The following ZFP64 variants were observed in gnomAD, a reference collection of about 807,000 sequenced individuals.
ZFP64 encodes ZFP64 zinc finger protein.
A neutral mutation model predicts 51.6 loss-of-function variants in ZFP64; 14 were observed. The observed-to-expected ratio is 0.27, with a 90% CI of 0.18 to 0.42. The LOEUF is 0.42. Among genes scored for constraint, ZFP64 ranks in the 10% least tolerant of loss-of-function variants. The pLI is 1.00. For missense variants in ZFP64, 754 were observed against 906.8 expected, an observed-to-expected ratio of 0.83 and a Z score of 2.16; for synonymous variants, 375 against 361.4, an observed-to-expected ratio of 1.04 and a Z score of -0.43.
At chr20:52,123,881 G>T (rs372509763) in intron 5 of ZFP64, among the ~76,000 whole-genome samples, 3 of 151,404 alleles carry the variant, frequency 2.0e-5, no homozygotes, top group African/African-American at 7.3e-5. Flanking sequence ...TTTTTTGGGG[G>T]GGGGAGGGGG....
chr20:52,091,036 T>C (rs1287831405), intron 7 of ZFP64, among the ~76,000 whole-genome samples: 3 of 149,994 alleles, frequency 2.0e-5, no homozygotes, highest in African/African-American at 7.4e-5. Flanking sequence ...GCCCAGAAGG[T>C]GAGCTCTGAT....
rs79397204 is a variant in ZFP64 at position 52,129,872 on chromosome 20, T to A, written c.763+30251A>T. Among the ~76,000 whole-genome samples the A allele has an allele frequency of 5.7e-3, 861 of 152,346 alleles. 7 individuals are homozygous for A. The highest frequency in any genetic ancestry group is 0.02 in the African/African-American group (831 of 41,592). ...CCATGGTATGCCCCGGGGCAATTCA[T>A]CTTTGCTGAATGAGTGCAATCGTCA... On this transcript the variant is annotated intron_variant, in intron 5 of 8. Transcript: ENST00000361387.
chr20:52,088,453 C>T, exon 8 of ZFP64: 2 of 1,614,174 alleles, frequency 1.2e-6, no homozygotes, highest in East Asian at 2.2e-5. Flanking sequence ...AGGGGCAGAG[C>T]TGGCATTTGT....
At position 52,099,622 on chromosome 20, in the gene ZFP64, ATTAGAGT is replaced by A. The variant is rs2079029679; in HGVS notation, c.764-1042_764-1036del. On this transcript the variant is annotated intron_variant, in intron 5 of 8. Coordinates refer to the ZFP64 transcript ENST00000361387. ...TTTTATACTTTGGTGTGAAAATGGA[ATTAGAGT>A]TTAAAGAGCATTCCCCATAGTCTAA... 3.3e-5 allele frequency among the ~76,000 whole-genome samples: 5 copies of A among 152,322 alleles called. No individual in the cohort carries two copies. The South Asian group carries it at 1.0e-3, about 32-fold the overall frequency.
chr20:52,186,276 C>A (rs1036958271), intron 2 of ZFP64, among the ~76,000 whole-genome samples: 1 of 152,046 alleles, frequency 6.6e-6, no homozygotes, highest in Admixed American at 6.6e-5. Context: ...TCCTCCAGAA[C>A]TTTTATGGTT....
At chr20:52,109,268 A>G (rs1010792121) in intron 5 of ZFP64, among the ~76,000 whole-genome samples, 5 of 151,942 alleles carry the variant, frequency 3.3e-5, no homozygotes, top group Non-Finnish European at 7.4e-5. Context: ...GGTTCATGCA[A>G]TTCTCCTGCC....
At chr20:52,139,062 G>A (rs1244188968) in intron 5 of ZFP64, among the ~76,000 whole-genome samples, 1 of 152,106 alleles carries the variant, frequency 6.6e-6, no homozygotes, top group African/African-American at 2.4e-5. Flanking sequence ...GAGGAGAAAA[G>A]GAAACATTTG....
chr20:52,151,112 T>G (rs1980769136), downstream of ZFP64, among the ~76,000 whole-genome samples: 1 of 152,198 alleles, frequency 6.6e-6, no homozygotes, highest in African/African-American at 2.4e-5. Context: ...ACTTTATCAC[T>G]TTAGGTACCA....
chr20:52,129,112 C>T (rs1420591807), intron 5 of ZFP64, among the ~76,000 whole-genome samples: 4 of 149,604 alleles, frequency 2.7e-5, no homozygotes, highest in Non-Finnish European at 4.4e-5. Context: ...GATGGAGTCT[C>T]GCTCTGTTGC....
chr20:52,184,084 A>T (rs1456603152), intron 2 of ZFP64, among the ~76,000 whole-genome samples: 1 of 152,094 alleles, frequency 6.6e-6, no homozygotes, highest in East Asian at 1.9e-4. Flanking sequence ...TCCTGACCTC[A>T]AGTGATCCGC....
In ZFP64 at chr20:52,160,385, A is replaced by G. The variant is rs1286791035; in HGVS notation, c.512-11T>C. 1.9e-6 allele frequency: 3 copies of G among 1,595,854 alleles called. No homozygotes were observed. Among genetic ancestry groups the G allele is most frequent in the Non-Finnish European group, 2.6e-6 (3 of 1,168,560 alleles). ...TATGGGGTTTGTCTCCTTCAAACACATACACACACAGATGGCAGCAGGAAA... is the reference window on the plus strand; with the variant it reads ...TATGGGGTTTGTCTCCTTCAAACACGTACACACACAGATGGCAGCAGGAAA... On this transcript the variant is annotated splice_polypyrimidine_tract_variant and intron_variant, in intron 4 of 5. Transcript: ENST00000216923. The surrounding 1 kb of genome is among the most constrained non-coding windows in gnomAD (Gnocchi z 4.2).
chr20:52,084,973 C>T, exon 9 of ZFP64: 13 of 1,613,926 alleles, frequency 8.1e-6, no homozygotes, highest in South Asian at 1.1e-5. Context: ...CGCAGGGCGG[C>T]CGCGCTGGAG....
chr20:52,111,885 C>A (rs535901952), intron 5 of ZFP64, among the ~76,000 whole-genome samples: 1 of 152,000 alleles, frequency 6.6e-6, no homozygotes, highest in Non-Finnish European at 1.5e-5. Flanking sequence ...AGTTTGAGAC[C>A]AGCCTGGACA....
In ZFP64 at chr20:52,099,505, T is replaced by C. The variant is rs138496995; in HGVS notation, c.764-918A>G. On this transcript the variant is annotated intron_variant, in intron 5 of 8. Coordinates refer to the ZFP64 transcript ENST00000361387. ...CTGAGAGACTTGAGGTGGTCGACAA[T>C]ATCGGGACTTTACTTGGCTCCTGAT... Among the ~76,000 whole-genome samples, 174 of 152,306 alleles carry C rather than the reference T, an allele frequency of 1.1e-3. 1 individual carries two copies. Among genetic ancestry groups the C allele is most frequent in the Non-Finnish European group, 1.6e-3 (108 of 68,032 alleles).
At chr20:52,110,506 C>G (rs1346500260) in intron 5 of ZFP64, 5 of 713,952 alleles carry the variant, frequency 7.0e-6, no homozygotes, top group Non-Finnish European at 1.3e-5. Context: ...TAAGATCTTC[C>G]CTGTGATCTT....
chr20:52,104,754 A>C, intron 5 of ZFP64: 1 of 532,308 alleles, frequency 1.9e-6, no homozygotes, highest in Non-Finnish European at 3.8e-6. Context: ...ACCCCAAGGC[A>C]AGAAGCCACC....
intron 5 of ZFP64, among the ~76,000 whole-genome samples, chr20:52,119,504 AGAGT>A (rs1380588672): frequency 7.2e-6 from 1 of 139,194 alleles, no homozygotes; most frequent in Non-Finnish European, 1.5e-5. Context: ...CCTGGGAAAC[AGAGT>A]GAGACTTCAT....
chr20:52,160,694 C>T lies in ZFP64; in HGVS notation c.512-320G>A, dbSNP rs186868764. ...AATAGTAACAGTTTTGTTAATTTTC[C>T]CTTGTATTCACTCTCTCCTTTTTCC... On this transcript the variant is annotated intron_variant, in intron 4 of 5. Coordinates refer to ENST00000216923, the MANE Select transcript of ZFP64 (RefSeq NM_018197.3). The surrounding 1 kb of genome is among the most constrained non-coding windows in gnomAD (Gnocchi z 4.2). Among the ~76,000 whole-genome samples the T allele has an allele frequency of 5.7e-3, 858 of 151,812 alleles. 6 individuals are homozygous for T. The highest frequency in any genetic ancestry group is 0.019 in the African/African-American group (777 of 41,408).
At chr20:52,105,335 G>C (rs150334398) in intron 5 of ZFP64, 2 of 1,249,318 alleles carry the variant, frequency 1.6e-6, no homozygotes, top group East Asian at 3.2e-5. Flanking sequence ...GCCGGAACGC[G>C]CATGTCCCGG....
Sources: gnomAD v4.1 joint callset for allele counts (sites outside exome capture counted in the v4.1 genomes callset) on GRCh38, gnomAD v4.1.1 for gene constraint, Gnocchi (gnomAD v3.1) non-coding constraint, MANE v1.5 for transcripts, NCBI Gene and HGNC (gene_info 2026-07-23, HGNC 2026-07-21) for gene names.